The following CNTN5 variants were observed in gnomAD, a reference collection of about 807,000 sequenced individuals.
CNTN5 encodes the protein contactin 5.
Under a neutral mutation model 129.1 loss-of-function variants are expected in CNTN5, and 77 were observed. That is an observed-to-expected ratio of 0.60 (90% CI 0.50 to 0.72). The LOEUF (loss-of-function observed/expected upper bound fraction) is 0.72, where lower values mean the gene tolerates loss of function less well. Among genes scored for constraint, CNTN5 ranks in the 30% least tolerant of loss-of-function variants. The pLI, the probability that CNTN5 is intolerant of heterozygous loss-of-function variation, is 0.00. For missense variants in CNTN5, 1,478 were observed against 1,328.8 expected (o/e 1.11, Z -1.75); for synonymous variants, 509 against 465.6 (o/e 1.09, Z -1.20).
chr11:99,611,707 A>C (rs1320743969), intron 3 of CNTN5, among the ~76,000 whole-genome samples: 1 of 152,224 alleles, frequency 6.6e-6, no homozygotes, highest in African/African-American at 2.4e-5. Context: ...AGGAATACAC[A>C]ATCTTCACTA....
chr11:99,434,190 C>T (rs1375377798), intron 2 of CNTN5, among the ~76,000 whole-genome samples: 2 of 152,062 alleles, frequency 1.3e-5, no homozygotes, highest in Admixed American at 6.6e-5. Context: ...TATTATTTGG[C>T]ACCACAGCCT....
chr11:100,309,197 C>A (rs1471250686), intron 21 of CNTN5: 7 of 984,888 alleles, frequency 7.1e-6, no homozygotes, highest in East Asian at 1.1e-4. Context: ...TGACCCAAGA[C>A]TTTAGTTGCA....
At chr11:99,507,346 C>T (rs1194334326) in intron 2 of CNTN5, among the ~76,000 whole-genome samples, 1 of 131,474 alleles carries the variant, frequency 7.6e-6, no homozygotes, top group Non-Finnish European at 1.5e-5. Flanking sequence ...CACTGCACTC[C>T]AGCCTGGCAA....
chr11:100,003,538 C>A lies in CNTN5; in HGVS notation c.980+1402C>A, dbSNP rs528070819. Among the ~76,000 whole-genome samples, 249 of 152,122 alleles carry A rather than the reference C, an allele frequency of 1.6e-3. 1 individual carries two copies. The highest frequency in any genetic ancestry group is 5.8e-3 in the African/African-American group (239 of 41,488). On this transcript the variant is annotated intron_variant, in intron 9 of 24. Coordinates refer to ENST00000524871, the MANE Select transcript of CNTN5 (RefSeq NM_014361.4). ...CCAGAATTTATACTAAGGCCACAAA[C>A]AAAGGGAGGTCATATTGTAAAACAA...
chr11:99,339,851 G>C (rs1184717068), intron 2 of CNTN5, among the ~76,000 whole-genome samples: 1 of 151,574 alleles, frequency 6.6e-6, no homozygotes, highest in Non-Finnish European at 1.5e-5. Flanking sequence ...GAGTGAGTGA[G>C]ATGGAGAGTG....
In CNTN5 at chr11:99,768,845, G is replaced by A. The variant is rs1397308559; in HGVS notation, c.56-50699G>A. Among the ~76,000 whole-genome samples, 3 of 152,056 alleles carry A rather than the reference G, an allele frequency of 2.0e-5. No homozygotes were observed. The South Asian group carries it at 6.2e-4, about 32-fold the overall frequency. On this transcript the variant is annotated intron_variant, in intron 3 of 24. Transcript: ENST00000524871. ...TTATTGATAAGTAGTAATGTCCAGT[G>A]ATATCTTGAAACTATGTAAATATTA...
intron 18 of CNTN5, among the ~76,000 whole-genome samples, chr11:100,288,542 G>A (rs201110433): frequency 0.024 from 3,689 of 152,184 alleles, 135 homozygotes; most frequent in East Asian, 0.19. Context: ...CAGAAATAAA[G>A]ATGTTCTTTG....
chr11:99,227,494 G>A (rs1393339470), intron 1 of CNTN5, among the ~76,000 whole-genome samples: 1 of 151,748 alleles, frequency 6.6e-6, no homozygotes, highest in Non-Finnish European at 1.5e-5. Flanking sequence ...AATTACTAGT[G>A]ATTTGGTAAT....
At chr11:100,285,904 G>A (rs150442668) in intron 18 of CNTN5, among the ~76,000 whole-genome samples, 6,758 of 152,282 alleles carry the variant, frequency 0.044, 301 homozygotes, top group East Asian at 0.19. Flanking sequence ...TGCGCGCACC[G>A]TGCGCGAGCC....
At chr11:100,161,306 T>C (rs565508095) in intron 13 of CNTN5, among the ~76,000 whole-genome samples, 1 of 151,980 alleles carries the variant, frequency 6.6e-6, no homozygotes, top group East Asian at 1.9e-4. Flanking sequence ...GATGAAAATG[T>C]TCTAAATGAG....
intron 1 of CNTN5, among the ~76,000 whole-genome samples, chr11:99,119,965 G>A (rs994722581): frequency 1.3e-5 from 2 of 151,972 alleles, no homozygotes; most frequent in African/African-American, 4.8e-5. Context: ...TTTTGGATGG[G>A]GTTGTTTGTT....
At chr11:99,764,940 T>G (rs1035756802) in intron 3 of CNTN5, among the ~76,000 whole-genome samples, 1 of 152,126 alleles carries the variant, frequency 6.6e-6, no homozygotes, top group Non-Finnish European at 1.5e-5. Context: ...TCCGTATCTC[T>G]GTATCACATC....
intron 2 of CNTN5, among the ~76,000 whole-genome samples, chr11:99,449,819 G>T (rs996090368): frequency 5.9e-5 from 9 of 152,146 alleles, no homozygotes; most frequent in Middle Eastern, 3.2e-3. Flanking sequence ...TGGTCTACTG[G>T]TATCACTTAG....
chr11:100,141,446 G>A (rs1480360862), intron 13 of CNTN5, among the ~76,000 whole-genome samples: 2 of 152,108 alleles, frequency 1.3e-5, no homozygotes, highest in Admixed American at 6.6e-5. Flanking sequence ...CTGAGCACAG[G>A]GGTGTTCTTT....
chr11:99,447,679 C>G (rs951254712), intron 2 of CNTN5, among the ~76,000 whole-genome samples: 21 of 152,312 alleles, frequency 1.4e-4, no homozygotes, highest in African/African-American at 4.8e-4. Flanking sequence ...GTAATCCCAG[C>G]ACTTTGGTAG....
chr11:99,370,344 C>A (rs187513637), intron 2 of CNTN5, among the ~76,000 whole-genome samples: 3 of 152,228 alleles, frequency 2.0e-5, no homozygotes. Context: ...TCAAGGATCG[C>A]AAGTTTTTAG....
intron 16 of CNTN5, 98 bp from the exon 17 acceptor site, chr11:100,255,662 G>A (rs2298472): frequency 0.049 from 50,128 of 1,017,800 alleles, 2,341 homozygotes; most frequent in East Asian, 0.25. Context: ...TCATTAAGGT[G>A]ATTACATAGT....
At chr11:100,288,261 A>G (rs1189771000) in intron 18 of CNTN5, among the ~76,000 whole-genome samples, 1 of 151,736 alleles carries the variant, frequency 6.6e-6, no homozygotes, top group Non-Finnish European at 1.5e-5. Flanking sequence ...AGTGGACCTA[A>G]TAGACATCTA....
intron 6 of CNTN5, among the ~76,000 whole-genome samples, chr11:99,899,293 T>C (rs924467303): frequency 6.6e-6 from 1 of 152,068 alleles, no homozygotes; most frequent in Admixed American, 6.6e-5. Context: ...TAGCCATCCT[T>C]GTCTTTTCCC....
Sources: gnomAD v4.1 joint callset for allele counts (sites outside exome capture counted in the v4.1 genomes callset) on GRCh38, gnomAD v4.1.1 for gene constraint, MANE v1.5 for transcripts, NCBI Gene and HGNC (gene_info 2026-07-23, HGNC 2026-07-21) for gene names.